The following CSMD1 variants were observed in gnomAD, a reference collection of about 807,000 sequenced individuals.
CSMD1 encodes CUB and Sushi multiple domains 1, also known as CUB and sushi domain-containing protein 1.
A neutral mutation model predicts 417.5 loss-of-function variants in CSMD1; 213 were observed. That is an observed-to-expected ratio of 0.51 (90% CI 0.46 to 0.57). The LOEUF (loss-of-function observed/expected upper bound fraction) is 0.57, where lower values mean the gene tolerates loss of function less well. Among genes scored for constraint, CSMD1 ranks in the 20% least tolerant of loss-of-function variants. The probability of loss-of-function intolerance (pLI) is 0.00; values close to 1 mark genes in which losing one functional copy is unlikely to be tolerated. For missense variants in CSMD1, 6,923 were observed against 4,529.7 expected (o/e 1.53, Z -15.17); for synonymous variants, 2,862 against 1,736.8 (o/e 1.65, Z -16.11).
chr8:2,961,587 T>C (rs1403806251), intron 61 of CSMD1, among the ~76,000 whole-genome samples: 2 of 152,192 alleles, frequency 1.3e-5, no homozygotes, highest in Non-Finnish European at 2.9e-5. Context: ...CTCATTTGGT[T>C]ACCCATTACA....
chr8:3,197,465 T>C (rs1280725913), intron 33 of CSMD1, among the ~76,000 whole-genome samples: 1 of 8,562 alleles, frequency 1.2e-4, no homozygotes, highest in Non-Finnish European at 9.3e-4. Context: ...TCAAATAATT[T>C]TTTTTTTTTT....
chr8:3,571,550 G>C (rs185095263), intron 10 of CSMD1, among the ~76,000 whole-genome samples: 1 of 151,230 alleles, frequency 6.6e-6, no homozygotes, highest in Non-Finnish European at 1.5e-5. Flanking sequence ...CACCCACGGC[G>C]TCATCTCTCT....
At chr8:3,065,051 T>C (rs966213075) in intron 49 of CSMD1, among the ~76,000 whole-genome samples, 1 of 151,878 alleles carries the variant, frequency 6.6e-6, no homozygotes, top group Non-Finnish European at 1.5e-5. Flanking sequence ...TTTTACTTAA[T>C]GGAAAAAGTA....
At chr8:3,949,506 G>A (rs1462050158) in intron 5 of CSMD1, among the ~76,000 whole-genome samples, 3 of 152,132 alleles carry the variant, frequency 2.0e-5, no homozygotes, top group South Asian at 4.1e-4. Flanking sequence ...TTATTACACT[G>A]TCAGGAGCAA....
At chr8:4,483,104 C>G (rs1801187484) in intron 2 of CSMD1, among the ~76,000 whole-genome samples, 1 of 152,144 alleles carries the variant, frequency 6.6e-6, no homozygotes, top group Non-Finnish European at 1.5e-5. Context: ...CAGGGGCAGT[C>G]TCCCCCATAC....
chr8:3,263,400 T>A (rs1473798110), intron 26 of CSMD1, among the ~76,000 whole-genome samples: 1 of 152,150 alleles, frequency 6.6e-6, no homozygotes, highest in Non-Finnish European at 1.5e-5. Flanking sequence ...TGCCAGGCCT[T>A]GCTTCATCCA....
rs116420881 is a variant in CSMD1 at position 4,134,783 on chromosome 8, G to A, written c.416-102684C>T. On this transcript the variant is annotated intron_variant, in intron 3 of 69. Transcript: ENST00000635120. ...ACCCCTTCTGAGCCATTCTCAACAC[G>A]GCATCATGAGTGATTTATTTTAACA... Among the ~76,000 whole-genome samples, 569 of 152,190 alleles carry A rather than the reference G, an allele frequency of 3.7e-3. 2 individuals are homozygous for A. Among genetic ancestry groups the A allele is most frequent in the African/African-American group, 0.013 (543 of 41,514 alleles).
At chr8:3,879,368 T>C (rs1428571061) in intron 5 of CSMD1, among the ~76,000 whole-genome samples, 1 of 152,186 alleles carries the variant, frequency 6.6e-6, no homozygotes, top group Non-Finnish European at 1.5e-5. Flanking sequence ...AAGGAATCTC[T>C]ATAGACATAA....
intron 3 of CSMD1, among the ~76,000 whole-genome samples, chr8:4,187,430 T>G (rs10441632): frequency 0.57 from 85,878 of 151,878 alleles, 26,041 homozygotes; most frequent in South Asian, 0.76. Flanking sequence ...GCAGATCACC[T>G]GAGGTCAGGA....
At chr8:3,086,158 A>G (rs1451937341) in intron 49 of CSMD1, among the ~76,000 whole-genome samples, 1 of 152,116 alleles carries the variant, frequency 6.6e-6, no homozygotes, top group Non-Finnish European at 1.5e-5. Flanking sequence ...AATGAGAAAT[A>G]TATCTTCTTC....
intron 40 of CSMD1, chr8:3,151,155 C>G: frequency 2.4e-6 from 1 of 413,858 alleles, no homozygotes; most frequent in Non-Finnish European, 4.3e-6. Flanking sequence ...CTTCGTATGC[C>G]TACTATATCA....
At chr8:4,045,797 T>C (rs1303573343) in intron 3 of CSMD1, among the ~76,000 whole-genome samples, 1 of 152,208 alleles carries the variant, frequency 6.6e-6, no homozygotes, top group Admixed American at 6.5e-5. Flanking sequence ...TTTCCAGACA[T>C]TGTGAGACAT....
chr8:3,651,141 C>G (rs1797832580), intron 7 of CSMD1, among the ~76,000 whole-genome samples: 1 of 152,180 alleles, frequency 6.6e-6, no homozygotes, highest in South Asian at 2.1e-4. Context: ...ACAGCAGTAG[C>G]TTTCTTGCCG....
chr8:3,566,545 A>G (rs955940129), intron 10 of CSMD1, among the ~76,000 whole-genome samples: 5 of 151,490 alleles, frequency 3.3e-5, no homozygotes, highest in African/African-American at 2.4e-5. Flanking sequence ...CCCTTTGTCC[A>G]TAGAGGATGT....
At chr8:3,480,190 C>G (rs1167527045) in intron 11 of CSMD1, among the ~76,000 whole-genome samples, 1 of 151,934 alleles carries the variant, frequency 6.6e-6, no homozygotes, top group Non-Finnish European at 1.5e-5. Flanking sequence ...GAAACCCCAT[C>G]TTTATTAAAA....
intron 2 of CSMD1, among the ~76,000 whole-genome samples, chr8:4,584,545 T>A (rs1271678342): frequency 2.6e-5 from 4 of 152,186 alleles, no homozygotes; most frequent in Admixed American, 1.3e-4. Flanking sequence ...GACCGTTGGT[T>A]TGCCTAGAAC....
At chr8:4,550,443 A>G (rs1253494006) in intron 2 of CSMD1, among the ~76,000 whole-genome samples, 4 of 151,982 alleles carry the variant, frequency 2.6e-5, no homozygotes, top group Non-Finnish European at 5.9e-5. Flanking sequence ...AAAAAACTGT[A>G]AACTAAAGGT....
intron 5 of CSMD1, among the ~76,000 whole-genome samples, chr8:3,896,248 A>C (rs903110008): frequency 6.6e-5 from 10 of 152,132 alleles, no homozygotes; most frequent in African/African-American, 2.4e-4. Flanking sequence ...AAATTTCTCA[A>C]AACAGTCCTT....
chr8:3,456,902 T>C (rs1816185302), intron 12 of CSMD1, among the ~76,000 whole-genome samples: 1 of 151,992 alleles, frequency 6.6e-6, no homozygotes, highest in Admixed American at 6.6e-5. Flanking sequence ...CTGCCCCCCT[T>C]GTATTCTACA....
Sources: allele counts gnomAD v4.1 joint callset (sites outside exome capture counted in the v4.1 genomes callset), GRCh38; gene constraint gnomAD v4.1.1; transcripts MANE v1.5; gene names NCBI Gene and HGNC (gene_info 2026-07-23, HGNC 2026-07-21).